The following KDM6A variants were observed in gnomAD, a reference collection of about 807,000 sequenced individuals.
KDM6A encodes the protein lysine demethylase 6A, also known as lysine-specific demethylase 6A.
A neutral mutation model predicts 117.6 loss-of-function variants in KDM6A; 11 were observed. The ratio of observed to expected loss-of-function variants is 0.09; its 90% confidence interval spans 0.06 to 0.15. The LOEUF (loss-of-function observed/expected upper bound fraction) is 0.15, where lower values mean the gene tolerates loss of function less well. Ranked by LOEUF, KDM6A falls within the 10% of genes least tolerant of loss-of-function variation. The probability of loss-of-function intolerance (pLI) is 1.00; values close to 1 mark genes in which losing one functional copy is unlikely to be tolerated. For synonymous variants in KDM6A, 384 were observed against 396.1 expected, an observed-to-expected ratio of 0.97 and a Z score of 0.36; for missense variants, 799 against 1,077.3, an observed-to-expected ratio of 0.74 and a Z score of 3.62.
chrX:44,877,286 T>G (rs760272610), intron 2 of KDM6A, among the ~76,000 whole-genome samples: 1 of 111,544 alleles, frequency 9.0e-6, no homozygotes, highest in East Asian at 2.8e-4. Flanking sequence ...AATAAGGTAG[T>G]TAATACAATG....
chrX:44,986,421 T>A (rs2040230399), intron 4 of KDM6A, among the ~76,000 whole-genome samples: 2 of 111,658 alleles, frequency 1.8e-5, no homozygotes, highest in Admixed American at 9.5e-5. Context: ...TCAGTTCTGC[T>A]CTGATCTTAG....
chrX:44,876,051 A>G (rs751122683), intron 2 of KDM6A, among the ~76,000 whole-genome samples: 9 of 111,649 alleles, frequency 8.1e-5, no homozygotes, highest in African/African-American at 2.3e-4. Flanking sequence ...AAGCTTCACT[A>G]TGTTTGGGGC....
rs1257692226 is a variant in KDM6A, at chrX:44,921,460, A to G, written c.226-39824A>G. On this transcript the variant is annotated intron_variant, in intron 2 of 29. Transcript: ENST00000611820. ...AACCACAACTACAGTCAAGATATTT[A>G]GCTGTACCATCACAAGATTCCTTTG... is the stretch of plus-strand genomic sequence containing the variant. Among the ~76,000 whole-genome samples, 3 of 111,620 alleles carry G rather than the reference A, an allele frequency of 2.7e-5. No individual in the cohort carries two copies. The East Asian group carries it at 8.4e-4, about 31-fold the overall frequency.
chrX:44,993,602 GT>G (rs908953566), intron 4 of KDM6A, among the ~76,000 whole-genome samples: 6 of 111,465 alleles, frequency 5.4e-5, no homozygotes, highest in African/African-American at 2.0e-4. Context: ...TTTTGAAGCT[GT>G]TTTATAGCTC....
At chrX:45,081,743 C>T (rs1200816090) in intron 21 of KDM6A, among the ~76,000 whole-genome samples, 2 of 110,949 alleles carry the variant, frequency 1.8e-5, no homozygotes, top group African/African-American at 3.3e-5. Context: ...GATACCATGC[C>T]GGTGAGATTC....
chrX:45,081,313 A>G (rs1261224076), intron 21 of KDM6A, among the ~76,000 whole-genome samples: 2 of 112,350 alleles, frequency 1.8e-5, no homozygotes, highest in Non-Finnish European at 1.9e-5. Flanking sequence ...CTATACATTT[A>G]AAGGAATGGA....
At chrX:45,011,253 TTGAA>T (rs1393508847) in intron 5 of KDM6A, among the ~76,000 whole-genome samples, 4 of 112,047 alleles carry the variant, frequency 3.6e-5, no homozygotes, top group East Asian at 5.6e-4. Context: ...TAAGATTCTG[TTGAA>T]GAAGGCTTAG....
At chrX:44,946,058 G>A (rs1303400220) in intron 2 of KDM6A, among the ~76,000 whole-genome samples, 1 of 112,350 alleles carries the variant, frequency 8.9e-6, no homozygotes, top group East Asian at 2.8e-4. Context: ...GTTTTGCTTT[G>A]TTATTCATTC....
intron 27 of KDM6A, among the ~76,000 whole-genome samples, chrX:45,096,762 G>A (rs1344524754): frequency 9.0e-6 from 1 of 111,651 alleles, no homozygotes; most frequent in African/African-American, 3.3e-5. Flanking sequence ...CACTGTTGGC[G>A]GGACTGTAAA....
chrX:45,101,035 T>C (rs545204495), intron 27 of KDM6A, among the ~76,000 whole-genome samples: 1 of 111,034 alleles, frequency 9.0e-6, no homozygotes, highest in South Asian at 3.8e-4. Flanking sequence ...TGTTAATGTT[T>C]TATGTGCTTT....
chrX:45,027,367 A>C (rs747344865), intron 6 of KDM6A, among the ~76,000 whole-genome samples: 23 of 107,508 alleles, frequency 2.1e-4, no homozygotes, highest in Admixed American at 4.0e-4. Flanking sequence ...ACACACACAC[A>C]CCCGCCCGTC....
intron 4 of KDM6A, among the ~76,000 whole-genome samples, 164 bp downstream of exon 4, chrX:44,974,879 T>A (rs1446278315): frequency 8.9e-6 from 1 of 111,978 alleles, no homozygotes; most frequent in African/African-American, 3.2e-5. Context: ...ATGTTTGTGC[T>A]GTCTTGTATG....
At chrX:44,936,662 C>T in intron 2 of KDM6A, among the ~76,000 whole-genome samples, 1 of 111,960 alleles carries the variant, frequency 8.9e-6, no homozygotes. Flanking sequence ...TGCATATGCA[C>T]AAAGAGAGAT....
rs146732202 is a variant in KDM6A at position 44,927,750 on chromosome X, C to G, written c.226-33534C>G. ...AACATAACCTCTTATTTATCATTAG[C>G]CGGTCACCAAACTATACTGACCTAG... On this transcript the variant is annotated intron_variant, in intron 2 of 29. Coordinates refer to ENST00000611820, the MANE Select transcript of KDM6A (RefSeq NM_001291415.2). 4.5e-4 allele frequency among the ~76,000 whole-genome samples: 50 copies of G among 111,543 alleles called. No homozygotes were observed. In the East Asian group the frequency reaches 0.014, roughly 31 times the overall value.
At chrX:45,076,946 A>C in intron 19 of KDM6A, 120 bp downstream of exon 19, 3 of 601,698 alleles carry the variant, frequency 5.0e-6, no homozygotes, top group Non-Finnish European at 2.6e-6. Flanking sequence ...CAGCAGATTA[A>C]ATAGTTTGGG....
intron 2 of KDM6A, among the ~76,000 whole-genome samples, chrX:44,922,869 T>C (rs953155994): frequency 3.6e-5 from 4 of 112,181 alleles, no homozygotes; most frequent in African/African-American, 9.8e-5. Flanking sequence ...TATTGCTTTT[T>C]ATGCCTTTAT....
intron 2 of KDM6A, among the ~76,000 whole-genome samples, chrX:44,937,956 A>G (rs1258618554): frequency 1.8e-5 from 2 of 110,679 alleles, no homozygotes; most frequent in African/African-American, 6.6e-5. Flanking sequence ...TACACCAAAC[A>G]GCCAAGTTGT....
intron 3 of KDM6A, among the ~76,000 whole-genome samples, chrX:44,969,387 G>A (rs1258739179): frequency 9.5e-6 from 1 of 105,083 alleles, no homozygotes; most frequent in East Asian, 3.0e-4. Context: ...GTTAGAGCTT[G>A]GAGGGTTTTC....
At chrX:45,006,902 G>A (rs1300737177) in intron 4 of KDM6A, among the ~76,000 whole-genome samples, 1 of 110,037 alleles carries the variant, frequency 9.1e-6, no homozygotes, top group African/African-American at 3.3e-5. Context: ...TTGCACTCCA[G>A]CCTGGGGACA....
Sources: gnomAD v4.1 joint callset for allele counts (sites outside exome capture counted in the v4.1 genomes callset) on GRCh38, gnomAD v4.1.1 for gene constraint, MANE v1.5 for transcripts, NCBI Gene and HGNC (gene_info 2026-07-23, HGNC 2026-07-21) for gene names.